The following MICU3 variants were observed in gnomAD, a reference collection of about 807,000 sequenced individuals.
MICU3 encodes the protein calcium uptake protein 3, mitochondrial.
A neutral mutation model predicts 66.5 loss-of-function variants in MICU3; 62 were observed. The ratio of observed to expected loss-of-function variants is 0.93; its 90% CI spans 0.76 to 1.15. The LOEUF (loss-of-function observed/expected upper bound fraction) is 1.15. MICU3 is among the 50% of genes most tolerant of loss of function. The pLI, the probability that MICU3 is intolerant of heterozygous loss-of-function variation, is 0.00. For missense variants in MICU3, 779 were observed against 664.4 expected, an observed-to-expected ratio of 1.17 and a Z score of -1.90; for synonymous variants, 308 against 240.7, an observed-to-expected ratio of 1.28 and a Z score of -2.59.
intron 9 of MICU3, among the ~76,000 whole-genome samples, chr8:17,101,202 A>G (rs62502372): frequency 0.013 from 1,972 of 151,916 alleles, 31 homozygotes; most frequent in Non-Finnish European, 0.022. Flanking sequence ...CTTTGAATAA[A>G]TGGCCCATGG....
intron 2 of MICU3, among the ~76,000 whole-genome samples, chr8:17,066,513 TAATCTA>T (rs1361693767): frequency 8.9e-6 from 1 of 111,758 alleles, no homozygotes; most frequent in Non-Finnish European, 1.7e-5. Context: ...TGATTGTTAA[TAATCTA>T]TATATATATA....
Position 17,077,808 on chromosome 8 carries a change from C to T in MICU3, c.593C>T (p.Thr198Ile). 6.2e-7 allele frequency: 1 copy of T among 1,611,698 alleles called. No individual in the cohort carries two copies. The highest frequency in any genetic ancestry group is 8.5e-7 in the Non-Finnish European group (1 of 1,178,478). Residue 198 changes from threonine to isoleucine, a missense_variant, in exon 4 of 15, where the codon ACA becomes ATA. Physicochemically the swap from Thr to Ile is moderately conservative, Grantham distance 89 (BLOSUM62 -1). Transcript: ENST00000318063. ...GAATTAAATCAAATGCTCGCAGAAA[C>T]ACCACCAGTTTGGAAAGGCTCATCG... ...KQELNQMLAE[T>I]PPVWKGSSKL...
intron 3 of MICU3, among the ~76,000 whole-genome samples, chr8:17,072,957 C>G (rs1288997061): frequency 6.6e-6 from 1 of 151,730 alleles, no homozygotes; most frequent in Non-Finnish European, 1.5e-5. Context: ...GTGGCACGAT[C>G]TTGGCTCACT....
At chr8:17,137,314 C>T in the MICU3 span, among the ~76,000 whole-genome samples, 8 of 151,784 alleles carry the variant, frequency 5.3e-5, no homozygotes, top group African/African-American at 1.9e-4. Flanking sequence ...TGGCATTGCC[C>T]AATATAAGCA....
chr8:17,041,676 T>C lies in MICU3; in HGVS notation c.381+14016T>C, dbSNP rs79073546. On this transcript the variant is annotated intron_variant, in intron 1 of 14. Coordinates refer to ENST00000318063, the MANE Select transcript of MICU3 (RefSeq NM_181723.3). ...AAGATTAAATTTAAAGGAAAGAGAATAATTGATGTGATAAGGACCCAGGTG... is the reference window on the plus strand; with the variant it reads ...AAGATTAAATTTAAAGGAAAGAGAACAATTGATGTGATAAGGACCCAGGTG... Among the ~76,000 whole-genome samples the C allele has an allele frequency of 2.0e-3, 307 of 152,012 alleles. 3 individuals carry two copies. The East Asian group carries it at 0.044, about 22-fold the overall frequency.
chr8:17,109,276 T>C (rs1801997469), intron 11 of MICU3, among the ~76,000 whole-genome samples: 1 of 152,246 alleles, frequency 6.6e-6, no homozygotes, highest in Non-Finnish European at 1.5e-5. Context: ...TGTTAATTGA[T>C]GGATAGATGG....
Position 17,120,979 on chromosome 8 carries a change from G to A in MICU3, c.*692G>A, listed in dbSNP as rs912332341. ...TGTCTGTTATTGTTTTATGTATACG[G>A]TAAAGAAATTTAAAGTGTAGAATTT... On this transcript the variant is annotated 3_prime_UTR_variant, in exon 15 of 15. Transcript: ENST00000318063. 1 of 151,868 alleles carries A rather than the reference G, an allele frequency of 6.6e-6. No individual in the cohort carries two copies. Among genetic ancestry groups the A allele is most frequent in the Non-Finnish European group, 1.5e-5 (1 of 67,828 alleles). 9.4% of individuals were successfully genotyped at this position (151,868 alleles called of 1,614,324 possible).
chr8:17,112,841 C>T (rs890007545), intron 11 of MICU3, among the ~76,000 whole-genome samples: 7 of 152,184 alleles, frequency 4.6e-5, no homozygotes, highest in Non-Finnish European at 1.0e-4. Flanking sequence ...GGTGCAGAAC[C>T]ACAGCAGTGA....
Position 17,027,535 on chromosome 8 carries a change from T to TA in MICU3, c.257dup (p.Tyr86Ter), listed in dbSNP as rs1811202015. The TA allele has an allele frequency of 1.6e-6, 2 of 1,279,278 alleles. No individual in the cohort carries two copies. The highest frequency in any genetic ancestry group is 1.5e-5 in the African/African-American group (1 of 64,564). 79.2% of individuals were successfully genotyped at this position (1,279,278 alleles called of 1,614,324 possible). The change falls in exon 1 of 15, where the codon TAC (tyrosine) becomes TAAC (stop). Residue 86 changes from tyrosine (Y) to a stop codon, truncating the protein, a stop_gained and frameshift_variant. Coordinates refer to ENST00000318063, the MANE Select transcript of MICU3 (RefSeq NM_181723.3). LOFTEE classifies it high-confidence loss of function. ...GGTCGGCCTGGTATGCTACCAGCTGTACGGGGACCCCAGGGCCGGCTCGCC... is the reference window on the plus strand; with the variant it reads ...GGTCGGCCTGGTATGCTACCAGCTGTAACGGGGACCCCAGGGCCGGCTCGCC... Reference protein sequence around the residue: ...GLVGLVCYQLYGDPRAGSPAT... With the variant: ...GLVGLVCYQL
At chr8:17,114,014 T>C in intron 11 of MICU3, 79 bp from the exon 12 acceptor site, 1 of 871,944 alleles carries the variant, frequency 1.1e-6, no homozygotes, top group Non-Finnish European at 1.8e-6. Context: ...CTTAATCTGT[T>C]TTTTTCTCTT....
Position 17,101,213 on chromosome 8 carries a change from G to T in MICU3, c.984+2660G>T, listed in dbSNP as rs190105056. ...TGTCCTTTGAATAAATGGCCCATGG[G>T]GTTCTTTGGTGGCTTTTTCTCCCTT... On this transcript the variant is annotated intron_variant, in intron 9 of 14. Transcript: ENST00000318063. Among the ~76,000 whole-genome samples the T allele has an allele frequency of 1.8e-3, 271 of 151,698 alleles. 1 individual carries two copies. The highest frequency in any genetic ancestry group is 6.8e-3 in the Middle Eastern group (2 of 294).
chr8:17,135,306 G>T, the MICU3 span, among the ~76,000 whole-genome samples: 8 of 152,094 alleles, frequency 5.3e-5, no homozygotes, highest in Non-Finnish European at 1.0e-4. Context: ...GCTGAGGCAG[G>T]AGAATTGCTT....
intron 8 of MICU3, among the ~76,000 whole-genome samples, chr8:17,095,954 C>G (rs961567761): frequency 1.6e-4 from 24 of 151,972 alleles, no homozygotes; most frequent in African/African-American, 5.3e-4. Flanking sequence ...AAAAATGTGT[C>G]ACACTTACAG....
intron 8 of MICU3, among the ~76,000 whole-genome samples, chr8:17,094,152 T>C (rs1800408482): frequency 6.6e-6 from 1 of 152,010 alleles, no homozygotes; most frequent in African/African-American, 2.4e-5. Context: ...ACTGGCATCA[T>C]GTTATATGAA....
intron 1 of MICU3, among the ~76,000 whole-genome samples, chr8:17,039,775 C>A (rs1271188535): frequency 6.6e-6 from 1 of 150,404 alleles, no homozygotes; most frequent in Non-Finnish European, 1.5e-5. Context: ...GATCATTAAA[C>A]AATGATATTA....
the MICU3 span, among the ~76,000 whole-genome samples, chr8:17,130,795 A>G: frequency 3.3e-5 from 5 of 152,222 alleles, no homozygotes; most frequent in Admixed American, 2.0e-4. Flanking sequence ...GGGTACAACA[A>G]ATAGAATAAA....
At chr8:17,130,173 C>G in the MICU3 span, among the ~76,000 whole-genome samples, 2 of 152,098 alleles carry the variant, frequency 1.3e-5, no homozygotes, top group African/African-American at 4.8e-5. Context: ...AAATAAAGTT[C>G]ACCACGTAAA....
At chr8:17,112,983 G>A (rs1802340697) in intron 11 of MICU3, among the ~76,000 whole-genome samples, 1 of 152,130 alleles carries the variant, frequency 6.6e-6, no homozygotes, top group African/African-American at 2.4e-5. Context: ...ATCCAAGATT[G>A]GAATGGTCAT....
At chr8:17,108,323 G>A (rs1423812536) in intron 11 of MICU3, among the ~76,000 whole-genome samples, 2 of 152,132 alleles carry the variant, frequency 1.3e-5, no homozygotes, top group African/African-American at 4.8e-5. Context: ...AGTCATTAGT[G>A]TATATCCACA....
Sources: allele counts gnomAD v4.1 joint callset (sites outside exome capture counted in the v4.1 genomes callset), GRCh38; gene constraint gnomAD v4.1.1; transcripts MANE v1.5; gene names NCBI Gene and HGNC (gene_info 2026-07-23, HGNC 2026-07-21).